The following ROBO2 variants were observed in gnomAD, a reference collection of about 807,000 sequenced individuals.
ROBO2 encodes roundabout guidance receptor 2, also known as roundabout homolog 2.
ROBO2 carries 53 observed loss-of-function variants against 160.8 expected under a neutral mutation model. The observed-to-expected ratio is 0.33, with a 90% CI of 0.26 to 0.41. The LOEUF is 0.41. Among genes scored for constraint, ROBO2 ranks in the 10% least tolerant of loss-of-function variants. ROBO2 has a pLI of 1.00. For synonymous variants in ROBO2, 664 were observed against 611.7 expected (o/e 1.09, Z -1.26); for missense variants, 1,577 against 1,722.4 (o/e 0.92, Z 1.49).
At chr3:76,485,568 C>T (rs1335062027) in intron 2 of ROBO2, among the ~76,000 whole-genome samples, 1 of 152,118 alleles carries the variant, frequency 6.6e-6, no homozygotes, top group Non-Finnish European at 1.5e-5. Flanking sequence ...ATAGCTCCCT[C>T]CATAAAATGT....
At chr3:76,726,018 T>A (rs267122) in intron 2 of ROBO2, among the ~76,000 whole-genome samples, 85,572 of 151,978 alleles carry the variant, frequency 0.56, 25,275 homozygotes, top group Non-Finnish European at 0.66. Context: ...TTGGGTCCCT[T>A]CAAATGCTAA....
intron 2 of ROBO2, among the ~76,000 whole-genome samples, chr3:76,387,961 T>C (rs1257516370): frequency 6.6e-6 from 1 of 152,186 alleles, no homozygotes; most frequent in Non-Finnish European, 1.5e-5. Context: ...GAATTTTACC[T>C]TAGAAAATTA....
chr3:76,256,849 C>A (rs1188105330), intron 2 of ROBO2, among the ~76,000 whole-genome samples: 1 of 152,016 alleles, frequency 6.6e-6, no homozygotes, highest in Non-Finnish European at 1.5e-5. Flanking sequence ...TCTAGAAAGA[C>A]CTCAGGGAGC....
intron 2 of ROBO2, among the ~76,000 whole-genome samples, chr3:76,329,155 C>T (rs757106130): frequency 2.0e-5 from 3 of 151,986 alleles, no homozygotes; most frequent in African/African-American, 7.2e-5. Context: ...AAGTCCCCCA[C>T]GGAGAGACAC....
At chr3:76,572,005 C>T (rs967592575) in intron 2 of ROBO2, among the ~76,000 whole-genome samples, 6 of 152,058 alleles carry the variant, frequency 3.9e-5, no homozygotes, top group Admixed American at 6.6e-5. Flanking sequence ...GCAACTATAT[C>T]CTCTAAAATG....
intron 2 of ROBO2, among the ~76,000 whole-genome samples, chr3:76,514,455 G>A (rs2081253858): frequency 1.3e-5 from 2 of 152,098 alleles, no homozygotes. Context: ...CACAGTAACT[G>A]TGGTTCATTA....
intron 2 of ROBO2, among the ~76,000 whole-genome samples, chr3:76,155,195 A>G (rs1347793607): frequency 6.6e-6 from 1 of 152,162 alleles, no homozygotes. Flanking sequence ...CTAATAAAAA[A>G]TAGGCCTAAA....
At chr3:77,366,023 G>T (rs116829683) in intron 2 of ROBO2, among the ~76,000 whole-genome samples, 1 of 151,966 alleles carries the variant, frequency 6.6e-6, no homozygotes, top group African/African-American at 2.4e-5. Context: ...AGCAGATATC[G>T]CAGGAATCAG....
At chr3:76,524,687 T>G (rs1180479812) in intron 2 of ROBO2, among the ~76,000 whole-genome samples, 1 of 151,476 alleles carries the variant, frequency 6.6e-6, no homozygotes, top group South Asian at 2.1e-4. Flanking sequence ...ATGTATGTAT[T>G]GGAAATTGTA....
chr3:77,391,835 T>C (rs889439446), intron 2 of ROBO2, among the ~76,000 whole-genome samples: 1 of 152,124 alleles, frequency 6.6e-6, no homozygotes, highest in African/African-American at 2.4e-5. Flanking sequence ...GCTGGCATTA[T>C]AAGCATGAGC....
intron 2 of ROBO2, among the ~76,000 whole-genome samples, chr3:76,112,346 G>A (rs2070271216): frequency 6.6e-6 from 1 of 151,848 alleles, no homozygotes; most frequent in Non-Finnish European, 1.5e-5. Flanking sequence ...ATTTCAGAAT[G>A]CACTAATGTT....
chr3:77,004,428 G>A (rs1308451068), intron 2 of ROBO2, among the ~76,000 whole-genome samples: 1 of 152,152 alleles, frequency 6.6e-6, no homozygotes, highest in Non-Finnish European at 1.5e-5. Flanking sequence ...GGAAGTAGAA[G>A]GAGAGACTGC....
chr3:77,186,439 G>A (rs1303242758), intron 2 of ROBO2, among the ~76,000 whole-genome samples: 1 of 151,966 alleles, frequency 6.6e-6, no homozygotes. Context: ...AGCAAGATGA[G>A]AAGAAAGGCC....
intron 2 of ROBO2, among the ~76,000 whole-genome samples, chr3:77,137,851 T>A (rs2076400295): frequency 6.6e-6 from 1 of 152,192 alleles, no homozygotes; most frequent in African/African-American, 2.4e-5. Context: ...GCCAGATATA[T>A]TCATAATCAT....
intron 22 of ROBO2, among the ~76,000 whole-genome samples, chr3:77,619,195 A>T (rs9848106): frequency 2.6e-5 from 4 of 152,058 alleles, no homozygotes; most frequent in Admixed American, 1.3e-4. Flanking sequence ...CTCAACATTT[A>T]TATGCTATAG....
At chr3:77,249,600 G>A (rs989320640) in intron 2 of ROBO2, among the ~76,000 whole-genome samples, 1 of 145,822 alleles carries the variant, frequency 6.9e-6, no homozygotes, top group Non-Finnish European at 1.5e-5. Flanking sequence ...ATGAGATATT[G>A]ACTCAAATTT....
intron 2 of ROBO2, among the ~76,000 whole-genome samples, chr3:75,996,336 G>A (rs1372524700): frequency 6.6e-6 from 1 of 152,164 alleles, no homozygotes; most frequent in Non-Finnish European, 1.5e-5. Flanking sequence ...AGCTCTCATG[G>A]TTTCATAAGC....
intron 1 of ROBO2, among the ~76,000 whole-genome samples, chr3:77,057,071 A>G (rs1213438023): frequency 6.6e-6 from 1 of 152,210 alleles, no homozygotes; most frequent in East Asian, 1.9e-4. Context: ...CCAAATGTCC[A>G]TCAGGGATAG....
chr3:76,414,659 T>C (rs1258073117), intron 2 of ROBO2, among the ~76,000 whole-genome samples: 3 of 149,024 alleles, frequency 2.0e-5, no homozygotes, highest in Non-Finnish European at 4.5e-5. Flanking sequence ...GAGATATACC[T>C]AATGCTAGAT....
Sources: gnomAD v4.1 joint callset for allele counts (sites outside exome capture counted in the v4.1 genomes callset) on GRCh38, gnomAD v4.1.1 for gene constraint, MANE v1.5 for transcripts, NCBI Gene and HGNC (gene_info 2026-07-23, HGNC 2026-07-21) for gene names.